Variants in SLC1A2 observed in about 807,000 individuals in gnomAD.
SLC1A2 encodes the protein solute carrier family 1 member 2, also known as excitatory amino acid transporter 2.
A neutral mutation model predicts 48.8 loss-of-function variants in SLC1A2; 15 were observed. The ratio of observed to expected loss-of-function variants is 0.31; its 90% CI spans 0.21 to 0.47. SLC1A2 has a LOEUF of 0.47. SLC1A2 is among the 20% of genes least tolerant of loss of function. SLC1A2 has a pLI of 0.99. For synonymous variants in SLC1A2, 279 were observed against 272.6 expected, an observed-to-expected ratio of 1.02 and a Z score of -0.23; for missense variants, 502 against 730.5, an observed-to-expected ratio of 0.69 and a Z score of 3.61.
At chr11:35,414,871 T>C (rs138925949) in intron 1 of SLC1A2, among the ~76,000 whole-genome samples, 1,693 of 152,358 alleles carry the variant, frequency 0.011, 14 homozygotes, top group Admixed American at 0.021. Context: ...TTTCAGCTCA[T>C]GCCAAGAGGC....
At chr11:35,340,622 G>T (rs1180456193) in intron 1 of SLC1A2, among the ~76,000 whole-genome samples, 1 of 152,222 alleles carries the variant, frequency 6.6e-6, no homozygotes, top group Non-Finnish European at 1.5e-5. Context: ...AAAGGAAAAA[G>T]ATTGTAGCGT....
intron 1 of SLC1A2, among the ~76,000 whole-genome samples, chr11:35,385,713 A>G (rs985666096): frequency 6.6e-6 from 1 of 152,152 alleles, no homozygotes; most frequent in Non-Finnish European, 1.5e-5. Flanking sequence ...TCTCCTTAGC[A>G]TCTTCTAACC....
chr11:35,362,861 G>C (rs1853727385), intron 1 of SLC1A2, among the ~76,000 whole-genome samples: 1 of 152,074 alleles, frequency 6.6e-6, no homozygotes, highest in Non-Finnish European at 1.5e-5. Flanking sequence ...CCCCCTTTTG[G>C]TGACATTTAT....
At position 35,260,856 on chromosome 11, in the gene SLC1A2, T is replaced by A; in HGVS notation, c.*38A>T. On this transcript the variant is annotated 3_prime_UTR_variant, in exon 11 of 11. Coordinates refer to ENST00000278379, the MANE Select transcript of SLC1A2 (RefSeq NM_004171.4). Reference sequence around the variant, plus strand: ...TATCATCAGTTACCATAGGATACGCTGGGGAGTTTATTCAAGAATTTGCTG... The same window carrying A: ...TATCATCAGTTACCATAGGATACGCAGGGGAGTTTATTCAAGAATTTGCTG... 7.3e-7 allele frequency: 1 copy of A among 1,375,098 alleles called. No individual in the cohort carries two copies. The highest frequency in any genetic ancestry group is 1.2e-5 in the South Asian group (1 of 86,314). 85.2% of individuals were successfully genotyped at this position (1,375,098 alleles called of 1,614,324 possible). A position where few individuals can be genotyped will look rare whatever the true frequency, so the allele number is the denominator to read the frequency against.
intron 1 of SLC1A2, among the ~76,000 whole-genome samples, chr11:35,326,957 C>G (rs1400317286): frequency 1.3e-5 from 2 of 152,150 alleles, no homozygotes; most frequent in Non-Finnish European, 2.9e-5. Context: ...TCTGGAGGAA[C>G]CCCTTAATAT....
chr11:35,382,042 G>A (rs1249709422), intron 1 of SLC1A2, among the ~76,000 whole-genome samples: 1 of 152,166 alleles, frequency 6.6e-6, no homozygotes, highest in Admixed American at 6.5e-5. Flanking sequence ...TATGAAGCAG[G>A]TATGATAACA....
At chr11:35,295,858 G>T (rs746517218) in intron 6 of SLC1A2, among the ~76,000 whole-genome samples, 1 of 152,146 alleles carries the variant, frequency 6.6e-6, no homozygotes, top group Non-Finnish European at 1.5e-5. Context: ...CTAGAATTCA[G>T]TCGGTGTCCA....
intron 9 of SLC1A2, among the ~76,000 whole-genome samples, chr11:35,268,150 T>C (rs983351074): frequency 6.6e-6 from 1 of 152,212 alleles, no homozygotes; most frequent in Non-Finnish European, 1.5e-5. Flanking sequence ...AACTTCTAAA[T>C]TGATTGAGAC....
At chr11:35,340,703 T>C (rs1852806831) in intron 1 of SLC1A2, among the ~76,000 whole-genome samples, 1 of 152,154 alleles carries the variant, frequency 6.6e-6, no homozygotes, top group South Asian at 2.1e-4. Context: ...GGTTCCCCCC[T>C]CCCCTTTGGC....
chr11:35,351,955 T>C (rs1184058184), intron 1 of SLC1A2, among the ~76,000 whole-genome samples: 6 of 152,186 alleles, frequency 3.9e-5, no homozygotes, highest in African/African-American at 1.4e-4. Context: ...TTTATAAAAA[T>C]TGTACATTGC....
intron 1 of SLC1A2, among the ~76,000 whole-genome samples, chr11:35,378,420 A>G (rs543358165): frequency 7.2e-5 from 11 of 152,254 alleles, no homozygotes; most frequent in Non-Finnish European, 1.0e-4. Flanking sequence ...AAGAAAAAAT[A>G]TTGATGCTAG....
intron 1 of SLC1A2, among the ~76,000 whole-genome samples, chr11:35,324,185 C>G (rs762710546): frequency 6.4e-4 from 98 of 152,192 alleles, no homozygotes; most frequent in Admixed American, 5.2e-4. Context: ...GCCAGTGGAG[C>G]CTTCAGGTGT....
Position 35,360,883 on chromosome 11 carries a change from A to AT in SLC1A2, c.18-43368dup, listed in dbSNP as rs965630242. Reference sequence around the variant, plus strand: ...TTATTTTGTTTATTTATTTATTATTATTTTTTTTTTGAGAAAGAGTCTCAT... The same window carrying AT: ...TTATTTTGTTTATTTATTTATTATTATTTTTTTTTTTGAGAAAGAGTCTCAT... On this transcript the variant is annotated intron_variant, in intron 1 of 10. Transcript: ENST00000278379. Among the ~76,000 whole-genome samples the AT allele has an allele frequency of 4.4e-3, 657 of 149,034 alleles. 4 individuals are homozygous for AT. The highest frequency in any genetic ancestry group is 8.3e-3 in the African/African-American group (338 of 40,708).
At chr11:35,356,258 C>G (rs1305517446) in intron 1 of SLC1A2, among the ~76,000 whole-genome samples, 1 of 152,214 alleles carries the variant, frequency 6.6e-6, no homozygotes, top group Non-Finnish European at 1.5e-5. Flanking sequence ...AACTTATAAT[C>G]GACCCATACA....
At chr11:35,411,404 A>G (rs558647463) in intron 1 of SLC1A2, among the ~76,000 whole-genome samples, 9 of 152,326 alleles carry the variant, frequency 5.9e-5, no homozygotes, top group African/African-American at 2.2e-4. Flanking sequence ...ATGTCCATCC[A>G]CTTTCCTAAG....
intron 4 of SLC1A2, chr11:35,307,251 C>T (rs1401898811): frequency 6.6e-6 from 1 of 152,180 alleles, no homozygotes; most frequent in African/African-American, 2.4e-5. Context: ...CATCTGGGCA[C>T]CAAGAGTGCC....
intron 1 of SLC1A2, among the ~76,000 whole-genome samples, chr11:35,321,365 C>T (rs1457089674): frequency 6.6e-6 from 1 of 152,006 alleles, no homozygotes; most frequent in South Asian, 2.1e-4. Context: ...ATCAAGTGTC[C>T]AGGGAAGGCG....
intron 1 of SLC1A2, among the ~76,000 whole-genome samples, chr11:35,375,354 G>A (rs536380546): frequency 1.2e-4 from 19 of 152,312 alleles, no homozygotes; most frequent in South Asian, 6.2e-4. Flanking sequence ...GTGGTTCCCC[G>A]CTTCACGTGA....
intron 9 of SLC1A2, among the ~76,000 whole-genome samples, chr11:35,269,367 T>C (rs1329773428): frequency 6.6e-6 from 1 of 152,218 alleles, no homozygotes; most frequent in Admixed American, 6.5e-5. Flanking sequence ...ATTTTTCTCA[T>C]GTAGCCAAAA....
Sources: gnomAD v4.1 joint callset for allele counts (sites outside exome capture counted in the v4.1 genomes callset) on GRCh38, gnomAD v4.1.1 for gene constraint, MANE v1.5 for transcripts, NCBI Gene and HGNC (gene_info 2026-07-23, HGNC 2026-07-21) for gene names.